PDZRN3: variants seen among roughly 807,000 people sequenced by gnomAD.
The protein encoded by PDZRN3 is E3 ubiquitin-protein ligase PDZRN3.
A neutral mutation model predicts 85.7 loss-of-function variants in PDZRN3; 38 were observed. The observed-to-expected ratio is 0.44, with a 90% CI of 0.34 to 0.58. PDZRN3 has a LOEUF of 0.58. PDZRN3 is among the 20% of genes least tolerant of loss of function. The pLI, the probability that PDZRN3 is intolerant of heterozygous loss-of-function variation, is 0.01. For synonymous variants in PDZRN3, 759 were observed against 638.0 expected (o/e 1.19, Z -2.86); for missense variants, 1,629 against 1,506.4 (o/e 1.08, Z -1.35).
intron 3 of PDZRN3, among the ~76,000 whole-genome samples, chr3:73,569,907 C>T (rs1702020593): frequency 6.6e-6 from 1 of 152,178 alleles, no homozygotes; most frequent in East Asian, 1.9e-4. Flanking sequence ...CCTGCTTGCC[C>T]CCTCACAGGG....
intron 1 of PDZRN3, among the ~76,000 whole-genome samples, chr3:73,620,792 G>C (rs1175811566): frequency 3.9e-5 from 6 of 152,028 alleles, no homozygotes; most frequent in Non-Finnish European, 5.9e-5. Flanking sequence ...TAGCCAGGAT[G>C]GTCTCGATCT....
chr3:73,620,712 G>T (rs1468157370), intron 1 of PDZRN3, among the ~76,000 whole-genome samples: 1 of 152,076 alleles, frequency 6.6e-6, no homozygotes, highest in Non-Finnish European at 1.5e-5. Flanking sequence ...GAGTAGCTGG[G>T]ACTACAGGTG....
rs1456092423 is a variant in PDZRN3 at position 73,573,089 on chromosome 3, G to C, written c.918+29265C>G. ...GTTGACTGGAAACCAGGGGTCATCT[G>C]TTGAAATGCTGATCTGTCTTACCTG... On this transcript the variant is annotated intron_variant, in intron 3 of 9. Coordinates refer to ENST00000263666, the MANE Select transcript of PDZRN3 (RefSeq NM_015009.3). Among the ~76,000 whole-genome samples, 3 of 152,172 alleles carry C rather than the reference G, an allele frequency of 2.0e-5. No individual in the cohort carries two copies. The South Asian group carries it at 6.2e-4, about 32-fold the overall frequency.
At chr3:73,408,346 A>G in intron 3 of PDZRN3, 1 of 619,572 alleles carries the variant, frequency 1.6e-6, no homozygotes. Flanking sequence ...AATGCCAATA[A>G]TAAGAATTTA....
At chr3:73,458,995 CAAAAAAAAAAAAAGA>C (rs1275884051) in intron 3 of PDZRN3, among the ~76,000 whole-genome samples, 4 of 124,152 alleles carry the variant, frequency 3.2e-5, no homozygotes, top group Non-Finnish European at 5.0e-5. Context: ...CCATCTCAAA[CAAAAAAAAAAAAAGA>C]AAAAAAAGAA....
At chr3:73,398,901 G>C (rs748724607) in intron 5 of PDZRN3, among the ~76,000 whole-genome samples, 3 of 152,256 alleles carry the variant, frequency 2.0e-5, no homozygotes, top group Middle Eastern at 6.8e-3. Flanking sequence ...AATTACCGTA[G>C]TTTAAATAAG....
Position 73,567,448 on chromosome 3 carries a change from A to G in PDZRN3, c.918+34906T>C, listed in dbSNP as rs533266980. ...GTTCAAAATCATGACCTGAGTTTCC[A>G]AAGTTTAAAAATTCCTCAAGGGTTT... On this transcript the variant is annotated intron_variant, in intron 3 of 9. Transcript: ENST00000263666. 5.3e-5 allele frequency among the ~76,000 whole-genome samples: 8 copies of G among 152,326 alleles called. No homozygotes were observed. The South Asian group carries it at 1.4e-3, about 28-fold the overall frequency.
In PDZRN3 at chr3:73,588,333, T is replaced by C. The variant is rs151270913; in HGVS notation, c.918+14021A>G. The stretch of plus-strand genomic sequence containing the variant: ...CACATTTTCTTTGTCCAGGCTATCG[T>C]TGATGGGCATTTGGGTTGGTTCCAC... On this transcript the variant is annotated intron_variant, in intron 3 of 9. Transcript: ENST00000263666. 3.2e-3 allele frequency among the ~76,000 whole-genome samples: 487 copies of C among 152,368 alleles called. 3 individuals carry two copies. The highest frequency in any genetic ancestry group is 0.011 in the African/African-American group (461 of 41,594).
intron 3 of PDZRN3, among the ~76,000 whole-genome samples, chr3:73,527,616 T>C (rs1704554466): frequency 6.6e-6 from 1 of 152,182 alleles, no homozygotes; most frequent in South Asian, 2.1e-4. Flanking sequence ...TCTGAGCTGT[T>C]CTCAGAATTC....
intron 3 of PDZRN3, among the ~76,000 whole-genome samples, chr3:73,508,654 C>T (rs1704110731): frequency 6.6e-6 from 1 of 152,146 alleles, no homozygotes; most frequent in Non-Finnish European, 1.5e-5. Flanking sequence ...AGGGTATTAG[C>T]TCCCAGGTAA....
Position 73,624,309 on chromosome 3 carries a change from G to A in PDZRN3, c.517C>T (p.Leu173Phe). Residue 173 changes from leucine (L) to phenylalanine (F), a missense_variant, in exon 1 of 10, where the codon CTC becomes TTC. By Grantham distance (22) the Leu-to-Phe change is conservative (BLOSUM62 0). Transcript: ENST00000263666. ...ARALRAHNGALQARLGALHKA... is the reference protein window; with the variant it reads ...ARALRAHNGAFQARLGALHKA... ...TGCAGCGCGCCCAGGCGGGCCTGGAGCGCGCCGTTGTGCGCCCGCAGCGCT... is the reference window on the plus strand; with the variant it reads ...TGCAGCGCGCCCAGGCGGGCCTGGAACGCGCCGTTGTGCGCCCGCAGCGCT... 1 of 1,323,688 alleles carries A rather than the reference G, an allele frequency of 7.6e-7. No homozygotes were observed. The highest frequency in any genetic ancestry group is 9.6e-7 in the Non-Finnish European group (1 of 1,044,432). 82.0% of individuals were successfully genotyped at this position (1,323,688 alleles called of 1,614,324 possible).
chr3:73,613,249 C>T lies in PDZRN3; in HGVS notation c.724-4565G>A, dbSNP rs151023446. ...GGAAGGAAGACGAGGGGAGCAGCTC[C>T]GCTTGGACTTTCAGTAGAGCACAGA... On this transcript the variant is annotated intron_variant, in intron 1 of 9. Coordinates refer to ENST00000263666, the MANE Select transcript of PDZRN3 (RefSeq NM_015009.3). Among the ~76,000 whole-genome samples, 459 of 152,244 alleles carry T rather than the reference C, an allele frequency of 3.0e-3. 2 individuals are homozygous for T. Among genetic ancestry groups the T allele is most frequent in the Admixed American group, 7.1e-3 (108 of 15,294 alleles).
chr3:73,550,443 T>G (rs1228928051), intron 3 of PDZRN3, among the ~76,000 whole-genome samples: 1 of 152,220 alleles, frequency 6.6e-6, no homozygotes, highest in Non-Finnish European at 1.5e-5. Context: ...GGTCTTACCC[T>G]AGACCAATTA....
intron 3 of PDZRN3, among the ~76,000 whole-genome samples, chr3:73,413,944 A>G (rs1279019329): frequency 6.6e-6 from 1 of 152,134 alleles, no homozygotes; most frequent in Non-Finnish European, 1.5e-5. Context: ...GATGGAGAAA[A>G]ACACTAGTTG....
chr3:73,530,688 G>C (rs1042462937), intron 3 of PDZRN3, among the ~76,000 whole-genome samples: 62 of 152,028 alleles, frequency 4.1e-4, no homozygotes, highest in African/African-American at 1.4e-3. Flanking sequence ...CAGAAATTTT[G>C]GATTTATTTC....
Position 73,384,214 on chromosome 3 carries a change from C to G in PDZRN3, c.2352G>C (p.Glu784Asp). The G allele has an allele frequency of 6.2e-7, 1 of 1,613,842 alleles. No homozygotes were observed. The highest frequency in any genetic ancestry group is 8.5e-7 in the Non-Finnish European group (1 of 1,180,028). Residue 784 changes from glutamate to aspartate, a missense_variant, in exon 10 of 10, where the codon GAG becomes GAC. Coordinates refer to ENST00000263666, the MANE Select transcript of PDZRN3 (RefSeq NM_015009.3). ...CTTCGCTGCTCGGGCAGCTGATGCC[C>G]TCCGCCGCTCTCCTCAAGGAGTTGT... ...SPDNSLRRAAEGISCPSSEGA... is the reference protein window; with the variant it reads ...SPDNSLRRAADGISCPSSEGA...
At position 73,581,110 on chromosome 3, in the gene PDZRN3, A is replaced by G. The variant is rs1469133926; in HGVS notation, c.918+21244T>C. Among the ~76,000 whole-genome samples, 3 of 152,260 alleles carry G rather than the reference A, an allele frequency of 2.0e-5. No individual in the cohort carries two copies. The East Asian group carries it at 5.8e-4, about 29-fold the overall frequency. ...TCAGATGTACTCCTACATAAGAAGAACAGACCTATGCAAAAGCATAAGCAA... is the reference window on the plus strand; with the variant it reads ...TCAGATGTACTCCTACATAAGAAGAGCAGACCTATGCAAAAGCATAAGCAA... On this transcript the variant is annotated intron_variant, in intron 3 of 9. Transcript: ENST00000263666.
chr3:73,433,985 C>T, intron 3 of PDZRN3: 2 of 1,282,594 alleles, frequency 1.6e-6, no homozygotes, highest in Non-Finnish European at 2.0e-6. Flanking sequence ...CTCTGAGTGA[C>T]TCTGGCAGCT....
intron 2 of PDZRN3, among the ~76,000 whole-genome samples, chr3:73,603,442 A>G (rs1458290405): frequency 6.6e-6 from 1 of 152,224 alleles, no homozygotes; most frequent in East Asian, 1.9e-4. Context: ...ACTGCAATGA[A>G]TTCTCTCCAA....
Sources: gnomAD v4.1 joint callset for allele counts (sites outside exome capture counted in the v4.1 genomes callset) on GRCh38, gnomAD v4.1.1 for gene constraint, MANE v1.5 for transcripts, NCBI Gene and HGNC (gene_info 2026-07-23, HGNC 2026-07-21) for gene names.